Variants in PEX1 observed in about 807,000 individuals in gnomAD.
PEX1 encodes peroxisomal biogenesis factor 1, also known as peroxisomal ATPase PEX1.
PEX1 carries 97 observed loss-of-function variants against 152.5 expected under a neutral mutation model. That is an observed-to-expected ratio of 0.64 (90% CI 0.54 to 0.75). The LOEUF (loss-of-function observed/expected upper bound fraction) is 0.75, where lower values mean the gene tolerates loss of function less well. PEX1 is among the 30% of genes least tolerant of loss of function. The pLI is 0.00. For missense variants in PEX1, 1,357 were observed against 1,516.3 expected (o/e 0.89, Z 1.74); for synonymous variants, 485 against 531.6 (o/e 0.91, Z 1.21).
rs7809455 is a variant in PEX1, at chr7:92,506,759, T to C, written c.1803+235A>G. On this transcript the variant is annotated intron_variant, in intron 10 of 23. Coordinates refer to ENST00000248633, the MANE Select transcript of PEX1 (RefSeq NM_000466.3). ...AGAAAAACCATATAATTGTATCAAC[T>C]GACACAGAAAAAGGGCATGGAGAAC... 28,580 of 563,232 alleles carry C rather than the reference T, an allele frequency of 0.051. 2,004 individuals carry two copies. The highest frequency in any genetic ancestry group is 0.28 in the East Asian group (8,983 of 32,336). The allele number at this position is 563,232 out of a possible 1,614,324, so 34.9% of individuals were successfully genotyped here.
Position 92,504,748 on chromosome 7 carries a change from GC to G in PEX1, c.2054del (p.Ser685ThrfsTer8). On this transcript the variant is annotated frameshift_variant, in exon 12 of 24. Coordinates refer to ENST00000248633, the MANE Select transcript of PEX1 (RefSeq NM_000466.3). LOFTEE classifies it high-confidence loss of function. ...TGCATTTACCATGAGCAAGCCGCTG[GC>G]TCTGCACCGCATCAGGACTGTGCTC... ...EHEHSPDAVQSQRLAHALNDM... is the reference protein window; with the variant it reads ...EHEHSPDAVQXQRLAHALNDM... 1 of 1,614,106 alleles carries G rather than the reference GC, an allele frequency of 6.2e-7. No homozygotes were observed. Among genetic ancestry groups the G allele is most frequent in the Non-Finnish European group, 8.5e-7 (1 of 1,180,014 alleles).
chr7:92,497,465 A>G (rs934967902), intron 16 of PEX1, among the ~76,000 whole-genome samples: 25 of 152,090 alleles, frequency 1.6e-4, no homozygotes, highest in Non-Finnish European at 2.5e-4. Context: ...AAAAAAAAAA[A>G]AGAGAATATA....
In PEX1 at chr7:92,504,946, C is replaced by T. The variant is rs368062415; in HGVS notation, c.1901-44G>A. On this transcript the variant is annotated intron_variant, in intron 11 of 23. Transcript: ENST00000248633. ...AAATGGTTTCAGTATCATTTCAGTG[C>T]TGGGAAAATTCAGGTTGTCCTTTTG... 16 of 1,452,414 alleles carry T rather than the reference C, an allele frequency of 1.1e-5. No individual in the cohort carries two copies. The African/African-American group carries it at 2.2e-4, about 20-fold the overall frequency. The allele number at this position is 1,452,414 out of a possible 1,614,324, so 90.0% of individuals were successfully genotyped here.
rs557319650 is a variant in PEX1 at position 92,511,361 on chromosome 7, G to C, written c.1483+219C>G. ...GCTGCTCTCGAACTCCTGGCCTCAA[G>C]TGATCCGCCTGCCTCGGCCTCCCAA... On this transcript the variant is annotated intron_variant, in intron 7 of 23. Transcript: ENST00000248633. 5.3e-5 allele frequency among the ~76,000 whole-genome samples: 8 copies of C among 152,314 alleles called. No homozygotes were observed. The East Asian group carries it at 1.5e-3, about 29-fold the overall frequency.
At position 92,517,547 on chromosome 7, in the gene PEX1, T is replaced by A. The variant is rs1792851805; in HGVS notation, c.968A>T (p.Asp323Val). ...HVFPWDQEYF[D>V]VEPSFTVTYG... ...TGTCACAGTAAAGCTGGGCTCTACA[T>A]CAAAATATTCCTGGTCCCATGGAAA... The change falls in exon 5 of 24, where the codon GAT (aspartate) becomes GTT (valine). Residue 323 changes from aspartate (D) to valine (V), a missense_variant. By Grantham distance (152) the Asp-to-Val change is radical. Coordinates refer to ENST00000248633, the MANE Select transcript of PEX1 (RefSeq NM_000466.3). The A allele has an allele frequency of 6.2e-7, 1 of 1,614,118 alleles. No individual in the cohort carries two copies. Among genetic ancestry groups the A allele is most frequent in the East Asian group, 2.2e-5 (1 of 44,872 alleles).
intron 9 of PEX1, chr7:92,507,385 T>C (rs1213414862): frequency 3.2e-5 from 12 of 377,208 alleles, no homozygotes; most frequent in South Asian, 3.2e-4. Context: ...ACTTCAGGAG[T>C]GTAACACCAC....
chr7:92,489,304 A>G lies in PEX1; in HGVS notation c.3756T>C (p.Asn1252=). The G allele has an allele frequency of 6.2e-7, 1 of 1,613,726 alleles. No homozygotes were observed. Among genetic ancestry groups the G allele is most frequent in the Non-Finnish European group, 8.5e-7 (1 of 1,179,740 alleles). Residue 1252 remains asparagine, a synonymous_variant, in exon 23 of 24, where the codon AAT becomes AAC. Coordinates refer to ENST00000248633, the MANE Select transcript of PEX1 (RefSeq NM_000466.3). ...AATCTGTTACTTACAGCTCAGCAAA[A>G]TTCTTCCAGTCATCTTCACTAATGG... is the stretch of plus-strand genomic sequence containing the variant. ...RPSISEDDWK[N]FAELYESFQN...
At chr7:92,514,449 T>C (rs1792627980) in intron 5 of PEX1, among the ~76,000 whole-genome samples, 1 of 152,238 alleles carries the variant, frequency 6.6e-6, no homozygotes, top group Non-Finnish European at 1.5e-5. Context: ...ATGTATGTAT[T>C]TGACTGTATT....
At chr7:92,527,260 T>C (rs559181627) in intron 1 of PEX1, among the ~76,000 whole-genome samples, 1 of 152,332 alleles carries the variant, frequency 6.6e-6, no homozygotes, top group East Asian at 1.9e-4. Context: ...GCATTCCTAC[T>C]ATTAAGTGCA....
At chr7:92,509,179 G>A in intron 9 of PEX1, 150 bp downstream of exon 9, 1 of 626,542 alleles carries the variant, frequency 1.6e-6, no homozygotes, top group Non-Finnish European at 2.8e-6. Flanking sequence ...TAGGCGTGAA[G>A]ATAGAGACAA....
In PEX1 at chr7:92,517,775, G is replaced by T; in HGVS notation, c.740C>A (p.Thr247Asn). Residue 247 changes from threonine to asparagine, a missense_variant, in exon 5 of 24, where the codon ACT becomes AAT. Thr to Asn is a moderately conservative substitution (Grantham distance 65). Transcript: ENST00000248633. ...AAAGGAAAAAATGCTTCCTATCATAGTCCATAAACTTGCTACTGATGATGA... is the reference window on the plus strand; with the variant it reads ...AAAGGAAAAAATGCTTCCTATCATATTCCATAAACTTGCTACTGATGATGA... ...VDSSSVASLW[T>N]MIGSIFSFQS... The T allele has an allele frequency of 6.3e-7, 1 of 1,585,426 alleles. No individual in the cohort carries two copies.
intron 1 of PEX1, among the ~76,000 whole-genome samples, chr7:92,527,982 C>T: frequency 6.6e-6 from 1 of 152,264 alleles, no homozygotes; most frequent in South Asian, 2.1e-4. Flanking sequence ...AGGAAAACAC[C>T]TTTTAAAATA....
Position 92,506,633 on chromosome 7 carries a change from A to G in PEX1, c.1804-289T>C. 8.0e-6 allele frequency: 4 copies of G among 502,800 alleles called. No homozygotes were observed. The South Asian group carries it at 8.5e-5, about 11-fold the overall frequency. 31.1% of individuals were successfully genotyped at this position (502,800 alleles called of 1,614,324 possible). On this transcript the variant is annotated intron_variant, in intron 10 of 23. Transcript: ENST00000248633. ...GCAGATAAAACTCAGCAATGTAGAA[A>G]GAATGATACACCACAACTACGTGGT...
In PEX1 at chr7:92,510,977, C is replaced by A. The variant is rs1023263890; in HGVS notation, c.1554G>T (p.Leu518Phe). ...EKEKDKNIFLLSPNLLQKTTI... is the reference protein window; with the variant it reads ...EKEKDKNIFLFSPNLLQKTTI... ...TAGTCTTCTGCAGCAAATTGGGACT[C>A]AACAGAAAAATATTTTTATCTTTTT... The change falls in exon 8 of 24, where the codon TTG becomes TTT. Residue 518 changes from leucine to phenylalanine, a missense_variant. Physicochemically the swap from Leu to Phe is conservative, Grantham distance 22. Transcript: ENST00000248633. The A allele has an allele frequency of 1.9e-6, 3 of 1,574,880 alleles. No individual in the cohort carries two copies. In the East Asian group the frequency reaches 6.7e-5, roughly 35 times the overall value.
At chr7:92,508,550 AG>A (rs1177696467) in intron 9 of PEX1, among the ~76,000 whole-genome samples, 1 of 152,032 alleles carries the variant, frequency 6.6e-6, no homozygotes, top group Non-Finnish European at 1.5e-5. Flanking sequence ...AAAAAAAAAA[AG>A]AGATTTTATT....
chr7:92,516,277 A>G (rs1345333133), intron 5 of PEX1, among the ~76,000 whole-genome samples: 2 of 151,406 alleles, frequency 1.3e-5, no homozygotes, highest in African/African-American at 4.9e-5. Context: ...AATACAAAAA[A>G]TTAGCCAGGC....
intron 1 of PEX1, among the ~76,000 whole-genome samples, chr7:92,523,963 C>T (rs1793158557): frequency 6.6e-6 from 1 of 152,130 alleles, no homozygotes; most frequent in African/African-American, 2.4e-5. Flanking sequence ...CTTTGGGAGA[C>T]TGAGACAGGA....
At chr7:92,489,216 G>A (rs1791126052) in intron 23 of PEX1, 77 bp downstream of exon 23, 10 of 1,255,804 alleles carry the variant, frequency 8.0e-6, no homozygotes, top group Admixed American at 1.8e-5. Flanking sequence ...TTTTAAACAC[G>A]AACTTTAAAG....
chr7:92,494,942 T>A (rs935920665), intron 17 of PEX1, among the ~76,000 whole-genome samples: 1 of 151,892 alleles, frequency 6.6e-6, no homozygotes, highest in African/African-American at 2.4e-5. Context: ...CCATGCCTTC[T>A]GGATAGACTA....
Sources: gnomAD v4.1 joint callset for allele counts (sites outside exome capture counted in the v4.1 genomes callset) on GRCh38, gnomAD v4.1.1 for gene constraint, MANE v1.5 for transcripts, NCBI Gene and HGNC (gene_info 2026-07-23, HGNC 2026-07-21) for gene names.